ATP8A2: variants seen among roughly 807,000 people sequenced by gnomAD.
ATP8A2 encodes the protein phospholipid-transporting ATPase IB.
ATP8A2 carries 100 observed loss-of-function variants against 165.6 expected under a neutral mutation model. The observed-to-expected ratio is 0.60, with a 90% CI of 0.51 to 0.71. The LOEUF (loss-of-function observed/expected upper bound fraction) is 0.71, where lower values mean the gene tolerates loss of function less well. Among genes scored for constraint, ATP8A2 ranks in the 30% least tolerant of loss-of-function variants. ATP8A2 has a pLI of 0.00. For missense variants in ATP8A2, 1,227 were observed against 1,479.5 expected, an observed-to-expected ratio of 0.83 and a Z score of 2.80; for synonymous variants, 543 against 548.8, an observed-to-expected ratio of 0.99 and a Z score of 0.15.
intron 33 of ATP8A2, among the ~76,000 whole-genome samples, chr13:25,918,359 G>A (rs1177199735): frequency 2.0e-5 from 3 of 152,196 alleles, no homozygotes; most frequent in Admixed American, 1.3e-4. Flanking sequence ...TGTTGATTGG[G>A]CTGCATATGC....
chr13:25,522,217 G>A (rs9581374), intron 2 of ATP8A2, among the ~76,000 whole-genome samples: 9,710 of 151,982 alleles, frequency 0.064, 402 homozygotes, highest in South Asian at 0.13. Flanking sequence ...GGTATTTTAC[G>A]TTCTTTGTAG....
At chr13:25,580,118 A>C (rs1220527488) in intron 22 of ATP8A2, among the ~76,000 whole-genome samples, 171 bp downstream of exon 22, 1 of 152,072 alleles carries the variant, frequency 6.6e-6, no homozygotes, top group Non-Finnish European at 1.5e-5. Flanking sequence ...CTTAATTTTC[A>C]TGGTCTTTCT....
Position 25,703,621 on chromosome 13 carries a change from G to A in ATP8A2, c.2384+4276G>A, listed in dbSNP as rs1386338317. On this transcript the variant is annotated intron_variant, in intron 25 of 36. Coordinates refer to ENST00000381655, the MANE Select transcript of ATP8A2 (RefSeq NM_016529.6). ...TTATTGAGCCATAAAAAAAAATAAAGTAGTGACATGTGCTACAATGTGGAT... is the reference window on the plus strand; with the variant it reads ...TTATTGAGCCATAAAAAAAAATAAAATAGTGACATGTGCTACAATGTGGAT... Among the ~76,000 whole-genome samples the A allele has an allele frequency of 2.0e-5, 3 of 152,214 alleles. No individual in the cohort carries two copies. The East Asian group carries it at 5.8e-4, about 29-fold the overall frequency.
intron 33 of ATP8A2, among the ~76,000 whole-genome samples, chr13:25,864,121 C>T: frequency 6.6e-6 from 1 of 152,180 alleles, no homozygotes; most frequent in African/African-American, 2.4e-5. Flanking sequence ...TGTTCTCTTC[C>T]TTCTGGTTCA....
chr13:25,537,837 T>C, intron 6 of ATP8A2, 151 bp from the exon 7 acceptor site: 1 of 492,082 alleles, frequency 2.0e-6, no homozygotes, highest in Non-Finnish European at 3.7e-6. Flanking sequence ...CTTTTGTTCT[T>C]GTCAAGGAAA....
intron 25 of ATP8A2, among the ~76,000 whole-genome samples, chr13:25,704,873 A>C (rs1037155944): frequency 6.6e-6 from 1 of 152,180 alleles, no homozygotes; most frequent in Admixed American, 6.5e-5. Flanking sequence ...TATCTGAATA[A>C]TATCAGGGCC....
intron 1 of ATP8A2, among the ~76,000 whole-genome samples, chr13:25,377,776 G>C (rs1221650971): frequency 6.6e-6 from 1 of 151,966 alleles, no homozygotes; most frequent in Non-Finnish European, 1.5e-5. Flanking sequence ...TGGGCAACAG[G>C]GTGAGACTCT....
In ATP8A2 at chr13:25,949,097, G is replaced by A. The variant is rs1199577385; in HGVS notation, c.3184-12478G>A. 2.0e-5 allele frequency among the ~76,000 whole-genome samples: 3 copies of A among 152,222 alleles called. No individual in the cohort carries two copies. The East Asian group carries it at 5.8e-4, about 29-fold the overall frequency. ...CAAAGTACCTTCTCCCTCTGCTGTG[G>A]GAAGCATGAGTAACTCACAGATGGT... On this transcript the variant is annotated intron_variant, in intron 33 of 36. Transcript: ENST00000381655.
At chr13:25,530,462 A>G (rs1011675797) in intron 3 of ATP8A2, 100 bp from the exon 4 acceptor site, 117 of 710,804 alleles carry the variant, frequency 1.6e-4, no homozygotes, top group South Asian at 1.5e-3. Flanking sequence ...AATGGAACAG[A>G]ACTGCAAAAG....
intron 33 of ATP8A2, among the ~76,000 whole-genome samples, chr13:25,924,502 C>A (rs755296826): frequency 1.8e-4 from 27 of 152,080 alleles, no homozygotes; most frequent in Admixed American, 6.5e-4. Flanking sequence ...CCAAATTTGC[C>A]CTTTTTATAA....
intron 20 of ATP8A2, among the ~76,000 whole-genome samples, chr13:25,578,328 C>T (rs2039675042): frequency 6.6e-6 from 1 of 152,168 alleles, no homozygotes; most frequent in Non-Finnish European, 1.5e-5. Context: ...TGGAAATAGT[C>T]ATAGGCAGAT....
chr13:25,452,051 T>C (rs112074417), intron 1 of ATP8A2, among the ~76,000 whole-genome samples: 12 of 152,038 alleles, frequency 7.9e-5, no homozygotes, highest in East Asian at 7.8e-4. Context: ...GACGGGGTTT[T>C]ACCGTGTTAG....
chr13:25,906,442 A>G (rs1953939390), intron 33 of ATP8A2, among the ~76,000 whole-genome samples: 1 of 152,050 alleles, frequency 6.6e-6, no homozygotes, highest in African/African-American at 2.4e-5. Flanking sequence ...CCAGTCTTCA[A>G]GGGTTTCCAC....
intron 13 of ATP8A2, 62 bp from the exon 14 acceptor site, chr13:25,558,911 C>A: frequency 3.4e-6 from 4 of 1,179,876 alleles, no homozygotes; most frequent in South Asian, 1.4e-5. Flanking sequence ...GGAAAGACTT[C>A]ATTTGTTGAT....
intron 10 of ATP8A2, among the ~76,000 whole-genome samples, chr13:25,546,641 G>T (rs1042047386): frequency 3.3e-5 from 5 of 151,926 alleles, no homozygotes; most frequent in African/African-American, 1.2e-4. Flanking sequence ...GATTTAATGG[G>T]AAAAAGAGCG....
intron 25 of ATP8A2, among the ~76,000 whole-genome samples, chr13:25,755,962 A>C (rs572760806): frequency 2.0e-4 from 30 of 152,248 alleles, no homozygotes; most frequent in African/African-American, 7.2e-4. Context: ...AAGGGAAGGG[A>C]GATAAATTCA....
At chr13:26,000,700 CAAA>C (rs5802358) in intron 35 of ATP8A2, among the ~76,000 whole-genome samples, 1,136 of 110,146 alleles carry the variant, frequency 0.01, 6 homozygotes, top group Non-Finnish European at 0.015. Context: ...AGTACAGAGC[CAAA>C]AAAAAAAAAA....
At chr13:25,759,307 C>T (rs1439254933) in intron 25 of ATP8A2, among the ~76,000 whole-genome samples, 1 of 152,060 alleles carries the variant, frequency 6.6e-6, no homozygotes, top group East Asian at 1.9e-4. Flanking sequence ...TAAAACCATC[C>T]AATATATTAA....
intron 2 of ATP8A2, among the ~76,000 whole-genome samples, chr13:25,483,456 C>A (rs1388029714): frequency 1.3e-5 from 2 of 152,170 alleles, no homozygotes; most frequent in African/African-American, 4.8e-5. Context: ...GGAGCTCCTT[C>A]CTCCAGCAAG....
Sources: gnomAD v4.1 joint callset for allele counts (sites outside exome capture counted in the v4.1 genomes callset) on GRCh38, gnomAD v4.1.1 for gene constraint, MANE v1.5 for transcripts, NCBI Gene and HGNC (gene_info 2026-07-23, HGNC 2026-07-21) for gene names.